The following TMEM117 variants were observed in gnomAD, a reference collection of about 807,000 sequenced individuals.
TMEM117 encodes the protein transmembrane protein 117.
Under a neutral mutation model 52.4 loss-of-function variants are expected in TMEM117, and 27 were observed. The observed-to-expected ratio is 0.51, with a 90% confidence interval of 0.38 to 0.71. TMEM117 has a LOEUF of 0.71. TMEM117 is among the 30% of genes least tolerant of loss of function. The probability of loss-of-function intolerance (pLI) is 0.00; values close to 1 mark genes in which losing one functional copy is unlikely to be tolerated. For missense variants in TMEM117, 556 were observed against 630.5 expected, an observed-to-expected ratio of 0.88 and a Z score of 1.26; for synonymous variants, 215 against 206.3, an observed-to-expected ratio of 1.04 and a Z score of -0.36.
At chr12:44,149,469 TA>T (rs1365751026) in intron 4 of TMEM117, among the ~76,000 whole-genome samples, 1 of 152,194 alleles carries the variant, frequency 6.6e-6, no homozygotes, top group Non-Finnish European at 1.5e-5. Flanking sequence ...TAAATATAGA[TA>T]ATATGAAATA....
At chr12:44,032,782 C>G (rs1011135100) in intron 3 of TMEM117, among the ~76,000 whole-genome samples, 2 of 152,160 alleles carry the variant, frequency 1.3e-5, no homozygotes, top group African/African-American at 4.8e-5. Flanking sequence ...ACCTTGAATA[C>G]AAGAGACCCT....
At chr12:44,095,351 A>C (rs1215766726) in intron 3 of TMEM117, among the ~76,000 whole-genome samples, 2 of 152,160 alleles carry the variant, frequency 1.3e-5, no homozygotes. Flanking sequence ...TTTGAGAAAA[A>C]TAAGTAAATT....
intron 3 of TMEM117, among the ~76,000 whole-genome samples, chr12:44,105,040 T>G (rs1266498234): frequency 6.6e-6 from 1 of 152,054 alleles, no homozygotes; most frequent in Non-Finnish European, 1.5e-5. Flanking sequence ...AAATTCTCCA[T>G]CATTATTGCT....
chr12:43,800,673 C>A, the TMEM117 span: 1 of 594,164 alleles, frequency 1.7e-6, no homozygotes, highest in East Asian at 2.9e-5. Context: ...TGCTAAAATA[C>A]GTGTGTACAA....
At chr12:44,253,460 G>C (rs1230909755) in intron 5 of TMEM117, among the ~76,000 whole-genome samples, 1 of 152,166 alleles carries the variant, frequency 6.6e-6, no homozygotes, top group African/African-American at 2.4e-5. Context: ...GGTCGACAGA[G>C]GGTAAGAAAA....
intron 5 of TMEM117, among the ~76,000 whole-genome samples, chr12:44,235,114 G>A (rs546279245): frequency 1.1e-4 from 16 of 151,562 alleles, no homozygotes; most frequent in African/African-American, 3.9e-4. Context: ...AGTATTTTGA[G>A]GACATCTTAA....
At chr12:44,227,779 A>G (rs560700407) in intron 5 of TMEM117, among the ~76,000 whole-genome samples, 1 of 152,106 alleles carries the variant, frequency 6.6e-6, no homozygotes, top group Non-Finnish European at 1.5e-5. Context: ...TCCCTGTCTT[A>G]CAGCATTCAT....
At chr12:44,301,988 G>A (rs1950846440) in intron 6 of TMEM117, among the ~76,000 whole-genome samples, 1 of 152,128 alleles carries the variant, frequency 6.6e-6, no homozygotes, top group Admixed American at 6.5e-5. Flanking sequence ...CCAAAATTTA[G>A]GTCTCTTAAC....
intron 2 of TMEM117, among the ~76,000 whole-genome samples, chr12:43,895,811 A>T (rs1036870516): frequency 6.6e-6 from 1 of 152,232 alleles, no homozygotes; most frequent in Admixed American, 6.5e-5. Context: ...GGCCCTTCAT[A>T]ATATGTCCTT....
At chr12:43,844,163 C>G (rs144291926) in intron 1 of TMEM117, among the ~76,000 whole-genome samples, 1 of 152,290 alleles carries the variant, frequency 6.6e-6, no homozygotes, top group African/African-American at 2.4e-5. Flanking sequence ...CCTGTCTCTA[C>G]AGAAAATACA....
intron 3 of TMEM117, among the ~76,000 whole-genome samples, chr12:43,951,289 C>T (rs376268184): frequency 6.0e-4 from 92 of 152,298 alleles, no homozygotes; most frequent in African/African-American, 1.3e-3. Flanking sequence ...TCCAGTGAGA[C>T]GCAAGCGTCC....
At chr12:43,983,994 T>G (rs1326730593) in intron 3 of TMEM117, among the ~76,000 whole-genome samples, 1 of 152,172 alleles carries the variant, frequency 6.6e-6, no homozygotes, top group African/African-American at 2.4e-5. Flanking sequence ...GTTTTTGTTT[T>G]TAAACTGGAA....
At chr12:43,897,766 C>G (rs1437569563) in intron 2 of TMEM117, among the ~76,000 whole-genome samples, 2 of 110,934 alleles carry the variant, frequency 1.8e-5, no homozygotes, top group Non-Finnish European at 4.0e-5. Flanking sequence ...GCCACCATGC[C>G]CAGCTAATTT....
chr12:44,232,802 CTTTA>C (rs997314945), intron 5 of TMEM117, among the ~76,000 whole-genome samples: 1 of 151,138 alleles, frequency 6.6e-6, no homozygotes, highest in Non-Finnish European at 1.5e-5. Context: ...TTACATATTC[CTTTA>C]TTTGTGTCTT....
chr12:43,805,172 T>G, the TMEM117 span, among the ~76,000 whole-genome samples: 1 of 152,240 alleles, frequency 6.6e-6, no homozygotes, highest in African/African-American at 2.4e-5. Context: ...AGCTTCAATT[T>G]CGTTCTAATT....
rs1287634560 is a variant in TMEM117, at chr12:43,909,219, A to C, written c.278-34991A>C. On this transcript the variant is annotated intron_variant, in intron 2 of 7. Coordinates refer to ENST00000266534, the MANE Select transcript of TMEM117 (RefSeq NM_032256.3). Reference sequence around the variant, plus strand: ...CACTCAAAGCCGCTCAACTACATGGAAACTGAACAACCTGCTCCGGAATGA... The same window carrying C: ...CACTCAAAGCCGCTCAACTACATGGCAACTGAACAACCTGCTCCGGAATGA... Among the ~76,000 whole-genome samples, 2 of 59,774 alleles carry C rather than the reference A, an allele frequency of 3.3e-5. 1 individual carries two copies. The highest frequency in any genetic ancestry group is 4.3e-4 in the Admixed American group (2 of 4,644). 39.2% of individuals were successfully genotyped at this position (59,774 alleles called of 152,430 possible).
intron 3 of TMEM117, among the ~76,000 whole-genome samples, chr12:44,042,281 T>C (rs560338810): frequency 6.7e-6 from 1 of 150,350 alleles, no homozygotes; most frequent in South Asian, 2.1e-4. Context: ...TCTGAAGTTG[T>C]ATTATGTTTT....
At chr12:44,241,220 T>C (rs1297112946) in intron 5 of TMEM117, among the ~76,000 whole-genome samples, 3 of 151,962 alleles carry the variant, frequency 2.0e-5, no homozygotes, top group South Asian at 2.1e-4. Context: ...ATTGTGTTTT[T>C]TTTTTATGCT....
At chr12:44,242,777 A>G (rs1434754395) in intron 5 of TMEM117, among the ~76,000 whole-genome samples, 1 of 149,686 alleles carries the variant, frequency 6.7e-6, no homozygotes, top group Non-Finnish European at 1.5e-5. Context: ...ATTCTGTATT[A>G]TATATATGGG....
Sources: allele counts gnomAD v4.1 joint callset (sites outside exome capture counted in the v4.1 genomes callset), GRCh38; gene constraint gnomAD v4.1.1; transcripts MANE v1.5; gene names NCBI Gene and HGNC (gene_info 2026-07-23, HGNC 2026-07-21).